Variants in IMMP2L observed in about 807,000 individuals in gnomAD.
The protein encoded by IMMP2L is inner mitochondrial membrane peptidase subunit 2.
Under a neutral mutation model 19.3 loss-of-function variants are expected in IMMP2L, and 18 were observed. The observed-to-expected ratio is 0.93, with a 90% CI of 0.64 to 1.38. The LOEUF (loss-of-function observed/expected upper bound fraction) is 1.38. IMMP2L is among the 40% of genes most tolerant of loss of function. IMMP2L has a pLI of 0.00. For synonymous variants in IMMP2L, 76 were observed against 73.0 expected, an observed-to-expected ratio of 1.04 and a Z score of -0.21; for missense variants, 233 against 218.2, an observed-to-expected ratio of 1.07 and a Z score of -0.43.
chr7:110,835,319 GT>G (rs1291329670), intron 5 of IMMP2L, among the ~76,000 whole-genome samples: 3 of 152,156 alleles, frequency 2.0e-5, no homozygotes, highest in African/African-American at 4.8e-5. Context: ...GAATAAAGGT[GT>G]TTATTATCTG....
chr7:111,114,826 A>G (rs1799681327), intron 3 of IMMP2L, among the ~76,000 whole-genome samples: 2 of 152,132 alleles, frequency 1.3e-5, no homozygotes, highest in Admixed American at 6.5e-5. Flanking sequence ...AAAATTATAT[A>G]ATAATAGAAT....
chr7:110,706,349 C>T (rs989292857), intron 5 of IMMP2L, among the ~76,000 whole-genome samples: 3 of 152,154 alleles, frequency 2.0e-5, no homozygotes, highest in African/African-American at 7.2e-5. Flanking sequence ...AGCAATCCTT[C>T]CACCTTGGTT....
At chr7:111,033,134 TTAAAA>T (rs1791002586) in intron 3 of IMMP2L, among the ~76,000 whole-genome samples, 1 of 151,960 alleles carries the variant, frequency 6.6e-6, no homozygotes, top group Non-Finnish European at 1.5e-5. Flanking sequence ...AATAAATAAA[TTAAAA>T]TAAGTAAATA....
At chr7:111,278,210 TC>T (rs1474096243) in intron 3 of IMMP2L, among the ~76,000 whole-genome samples, 1 of 152,144 alleles carries the variant, frequency 6.6e-6, no homozygotes, top group Non-Finnish European at 1.5e-5. Flanking sequence ...TGCACTTGTA[TC>T]CCCAAATATA....
At chr7:110,873,429 C>CAAAAAA (rs60827428) in intron 5 of IMMP2L, among the ~76,000 whole-genome samples, 13 of 28,928 alleles carry the variant, frequency 4.5e-4, no homozygotes, top group Admixed American at 6.3e-4. Flanking sequence ...GACTCTATCT[C>CAAAAAA]AAAAAAAAAA....
intron 3 of IMMP2L, among the ~76,000 whole-genome samples, chr7:111,409,045 G>C (rs527788424): frequency 4.7e-4 from 72 of 151,802 alleles, no homozygotes; most frequent in Non-Finnish European, 8.8e-4. Flanking sequence ...GCTAAGTGCT[G>C]ACAAGCTTCT....
intron 5 of IMMP2L, among the ~76,000 whole-genome samples, chr7:110,756,104 T>C (rs1477695094): frequency 6.6e-6 from 1 of 152,062 alleles, no homozygotes; most frequent in Non-Finnish European, 1.5e-5. Flanking sequence ...GGACCACTGT[T>C]AAAATCTAGA....
intron 3 of IMMP2L, among the ~76,000 whole-genome samples, chr7:111,353,625 A>G (rs1828403149): frequency 6.6e-6 from 1 of 152,130 alleles, no homozygotes; most frequent in South Asian, 2.1e-4. Flanking sequence ...TATTGCATTA[A>G]CACTCTTCTC....
intron 3 of IMMP2L, among the ~76,000 whole-genome samples, chr7:111,085,293 T>C (rs1190063469): frequency 6.6e-6 from 1 of 152,220 alleles, no homozygotes; most frequent in African/African-American, 2.4e-5. Context: ...AGTCAAATGG[T>C]ATTTCTGCCT....
At chr7:111,082,146 T>C (rs1795936305) in intron 3 of IMMP2L, among the ~76,000 whole-genome samples, 1 of 152,206 alleles carries the variant, frequency 6.6e-6, no homozygotes, top group South Asian at 2.1e-4. Context: ...GTTTGTTTAT[T>C]GGCACAGGGA....
chr7:111,384,927 A>G (rs1273967293), intron 3 of IMMP2L, among the ~76,000 whole-genome samples: 1 of 152,184 alleles, frequency 6.6e-6, no homozygotes, highest in Non-Finnish European at 1.5e-5. Context: ...ATTACAGCAC[A>G]CAAAGTACTT....
chr7:111,030,265 AT>A (rs1322929857), intron 3 of IMMP2L, among the ~76,000 whole-genome samples: 1 of 151,988 alleles, frequency 6.6e-6, no homozygotes, highest in African/African-American at 2.4e-5. Context: ...ATCATCTAAA[AT>A]TTTTTTAAAA....
At chr7:110,991,070 C>A (rs1173341884) in intron 3 of IMMP2L, among the ~76,000 whole-genome samples, 1 of 152,128 alleles carries the variant, frequency 6.6e-6, no homozygotes, top group African/African-American at 2.4e-5. Flanking sequence ...TAGCACAAAT[C>A]CTATGAGCTG....
chr7:111,493,944 G>C (rs1843352341), intron 2 of IMMP2L, among the ~76,000 whole-genome samples: 1 of 151,526 alleles, frequency 6.6e-6, no homozygotes, highest in African/African-American at 2.4e-5. Context: ...GGCTTGCAGT[G>C]AGCCGAGACC....
chr7:110,954,938 C>T (rs915497918), intron 4 of IMMP2L, among the ~76,000 whole-genome samples: 2 of 152,026 alleles, frequency 1.3e-5, no homozygotes, highest in African/African-American at 4.8e-5. Context: ...TGACTTTCTA[C>T]AGCTGTCACA....
At chr7:110,811,613 T>A (rs1415127018) in intron 5 of IMMP2L, among the ~76,000 whole-genome samples, 2 of 152,080 alleles carry the variant, frequency 1.3e-5, no homozygotes, top group African/African-American at 2.4e-5. Context: ...ATTGAAATAG[T>A]CTGTGTATTT....
rs535412840 is a variant in IMMP2L, at chr7:110,760,147, G to C, written c.409-96426C>G. 3.3e-5 allele frequency among the ~76,000 whole-genome samples: 5 copies of C among 152,158 alleles called. No individual in the cohort carries two copies. The South Asian group carries it at 1.0e-3, about 32-fold the overall frequency. On this transcript the variant is annotated intron_variant, in intron 5 of 5. Coordinates refer to ENST00000405709, the MANE Select transcript of IMMP2L (RefSeq NM_032549.4). The surrounding 1 kb of genome is among the most constrained non-coding windows in gnomAD (Gnocchi z 4.2). ...TATCTACTTATCAGCCTTGGGTTGA[G>C]AATTCACTTGCTTTTGTGCCACCTT...
chr7:110,947,578 C>T (rs1817387404), intron 4 of IMMP2L, among the ~76,000 whole-genome samples: 1 of 152,174 alleles, frequency 6.6e-6, no homozygotes, highest in Non-Finnish European at 1.5e-5. Flanking sequence ...TTTTGTAAAG[C>T]TTACTGCTTA....
At position 110,664,323 on chromosome 7, in the gene IMMP2L, T is replaced by C. The variant is rs1444349896; in HGVS notation, c.409-602A>G. On this transcript the variant is annotated intron_variant, in intron 5 of 5. Coordinates refer to ENST00000405709, the MANE Select transcript of IMMP2L (RefSeq NM_032549.4). ...TGTGAGACTGGGTGGGCTGTCTCCA[T>C]GGAGAGTACACTGAGTAACACGGAT... Among the ~76,000 whole-genome samples the C allele has an allele frequency of 3.3e-5, 5 of 151,214 alleles. No individual in the cohort carries two copies. In the Admixed American group the frequency reaches 3.3e-4, roughly 10 times the overall value.
Sources: allele counts gnomAD v4.1 joint callset (sites outside exome capture counted in the v4.1 genomes callset), GRCh38; gene constraint gnomAD v4.1.1; non-coding constraint Gnocchi (gnomAD v3.1); transcripts MANE v1.5; gene names NCBI Gene and HGNC (gene_info 2026-07-23, HGNC 2026-07-21).